CDC42BPA: variants seen among roughly 807,000 people sequenced by gnomAD.
CDC42BPA encodes the protein CDC42 binding protein kinase alpha.
CDC42BPA carries 80 observed loss-of-function variants against 223.5 expected under a neutral mutation model. The observed-to-expected ratio is 0.36, with a 90% CI of 0.30 to 0.43. The LOEUF (loss-of-function observed/expected upper bound fraction) is 0.43. Among genes scored for constraint, CDC42BPA ranks in the 20% least tolerant of loss-of-function variants. CDC42BPA has a pLI of 1.00. For missense variants in CDC42BPA, 1,743 were observed against 2,099.9 expected (o/e 0.83, Z 3.32); for synonymous variants, 694 against 718.6 (o/e 0.97, Z 0.55).
rs190637579 is a variant in CDC42BPA at position 227,057,910 on chromosome 1, A to G, written c.2905-5925T>C. 4.6e-3 allele frequency among the ~76,000 whole-genome samples: 707 copies of G among 152,340 alleles called. 5 individuals carry two copies. Among genetic ancestry groups the G allele is most frequent in the African/African-American group, 0.016 (678 of 41,586 alleles). ...GCAAGTGAGACATAATTAATCCATA[A>G]TAAAATGAGAGAAACAAATCCTAAA... On this transcript the variant is annotated intron_variant, in intron 21 of 36. Transcript: ENST00000366766.
At chr1:227,257,209 A>C (rs1683228643) in intron 1 of CDC42BPA, among the ~76,000 whole-genome samples, 1 of 152,162 alleles carries the variant, frequency 6.6e-6, no homozygotes, top group South Asian at 2.1e-4. Context: ...TTATGGCTTA[A>C]TGGTTACAGA....
chr1:227,200,313 C>T (rs1671499845), intron 3 of CDC42BPA, among the ~76,000 whole-genome samples: 1 of 151,940 alleles, frequency 6.6e-6, no homozygotes, highest in South Asian at 2.1e-4. Flanking sequence ...CACCTGTAAT[C>T]CCAGCCACTC....
At chr1:227,132,740 G>A (rs982187040) in intron 10 of CDC42BPA, among the ~76,000 whole-genome samples, 20 of 150,644 alleles carry the variant, frequency 1.3e-4, no homozygotes, top group Admixed American at 6.6e-4. Flanking sequence ...GTCTCTGCCC[G>A]CCCGCCCATC....
chr1:227,144,186 T>C (rs958679350), intron 8 of CDC42BPA, among the ~76,000 whole-genome samples: 1 of 152,144 alleles, frequency 6.6e-6, no homozygotes, highest in Non-Finnish European at 1.5e-5. Flanking sequence ...AATAAAGATT[T>C]TGTTAAGTCA....
At chr1:227,034,605 A>G in intron 26 of CDC42BPA, 50 bp downstream of exon 26, 3 of 1,517,558 alleles carry the variant, frequency 2.0e-6, no homozygotes. Flanking sequence ...CAGAAACTTT[A>G]AAATTCCTAT....
chr1:227,108,706 T>C (rs1686361565), intron 14 of CDC42BPA, among the ~76,000 whole-genome samples: 1 of 152,180 alleles, frequency 6.6e-6, no homozygotes, highest in South Asian at 2.1e-4. Flanking sequence ...AGTGTTTGCA[T>C]ACAACCTACA....
chr1:227,317,965 G>C lies in CDC42BPA; in HGVS notation c.-783C>G. The C allele has an allele frequency of 2.5e-6, 1 of 396,718 alleles. No homozygotes were observed. Among genetic ancestry groups the C allele is most frequent in the Non-Finnish European group, 4.4e-6 (1 of 224,950 alleles). 24.6% of individuals were successfully genotyped at this position (396,718 alleles called of 1,614,324 possible). A position where few individuals can be genotyped will look rare whatever the true frequency, so the allele number is the denominator to read the frequency against. On this transcript the variant is annotated 5_prime_UTR_variant, in exon 1 of 37. Transcript: ENST00000366766. ...TAGGGCCTGACCGGCGGCGCGGCCG[G>C]GGGTGGAAGGCGGGCTGCGGGCGGC... is the stretch of plus-strand genomic sequence containing the variant.
chr1:227,140,191 C>A (rs1312303294), intron 9 of CDC42BPA, among the ~76,000 whole-genome samples: 3 of 152,118 alleles, frequency 2.0e-5, no homozygotes, highest in Non-Finnish European at 4.4e-5. Context: ...AATGCTGAAA[C>A]TGCTGGACAT....
intron 14 of CDC42BPA, among the ~76,000 whole-genome samples, chr1:227,104,126 G>C (rs981746108): frequency 6.6e-6 from 1 of 152,004 alleles, no homozygotes; most frequent in African/African-American, 2.4e-5. Flanking sequence ...GAGAATTTAT[G>C]AACAGAAAAT....
intron 1 of CDC42BPA, among the ~76,000 whole-genome samples, chr1:227,270,620 G>A (rs1009287981): frequency 2.0e-5 from 3 of 152,118 alleles, no homozygotes; most frequent in African/African-American, 7.2e-5. Context: ...CTATTGTTAA[G>A]TGTACATCAG....
At chr1:227,167,368 T>A (rs1193084626) in intron 5 of CDC42BPA, among the ~76,000 whole-genome samples, 2 of 152,208 alleles carry the variant, frequency 1.3e-5, no homozygotes, top group Admixed American at 6.5e-5. Flanking sequence ...CTCTTTAAGA[T>A]GACAAATGAC....
intron 11 of CDC42BPA, among the ~76,000 whole-genome samples, chr1:227,125,205 A>AG (rs1689341276): frequency 6.6e-6 from 1 of 151,124 alleles, no homozygotes; most frequent in African/African-American, 2.4e-5. Flanking sequence ...ACATCACAGA[A>AG]AAAAAAAAAC....
rs555002814 is a variant in CDC42BPA, at chr1:227,289,302, C to T, written c.178+27703G>A. Among the ~76,000 whole-genome samples, 72 of 152,326 alleles carry T rather than the reference C, an allele frequency of 4.7e-4. 1 individual carries two copies. In the South Asian group the frequency reaches 0.015, roughly 31 times the overall value. On this transcript the variant is annotated intron_variant, in intron 1 of 36. Transcript: ENST00000366766. ...CTCCCCTTCACTCACTCTAATCCAG[C>T]CACACTGGTCTTCCTTCTGTTCCTT...
chr1:227,111,425 G>A (rs1227886535), intron 14 of CDC42BPA, among the ~76,000 whole-genome samples: 1 of 152,166 alleles, frequency 6.6e-6, no homozygotes, highest in Non-Finnish European at 1.5e-5. Context: ...ACAAATGTAT[G>A]TATGTACTCG....
chr1:226,994,459 G>T lies in CDC42BPA; in HGVS notation c.5134-60C>A. ...AGGGGGAGAAAGGGAGGCAGAAGGG[G>T]CTCAGATTACCACCGCCCCCTCCAG... is the stretch of plus-strand genomic sequence containing the variant. On this transcript the variant is annotated intron_variant, in intron 36 of 36. Transcript: ENST00000366766. The surrounding 1 kb of genome is among the most constrained non-coding windows in gnomAD (Gnocchi z 4.0). 1 of 1,452,730 alleles carries T rather than the reference G, an allele frequency of 6.9e-7. No homozygotes were observed. The highest frequency in any genetic ancestry group is 9.1e-7 in the Non-Finnish European group (1 of 1,097,674). The allele number at this position is 1,452,730 out of a possible 1,614,324, so 90.0% of individuals were successfully genotyped here. A position where few individuals can be genotyped will look rare whatever the true frequency, so the allele number is the denominator to read the frequency against.
chr1:227,008,540 T>C (rs555799130), intron 34 of CDC42BPA, among the ~76,000 whole-genome samples: 2 of 152,150 alleles, frequency 1.3e-5, no homozygotes, highest in Non-Finnish European at 2.9e-5. Flanking sequence ...CCAGTTGCCA[T>C]GCAATTGTGA....
chr1:227,070,758 C>T (rs755363539), intron 20 of CDC42BPA, among the ~76,000 whole-genome samples: 3 of 151,776 alleles, frequency 2.0e-5, no homozygotes, highest in Non-Finnish European at 4.4e-5. Flanking sequence ...TAGTAGTATA[C>T]ATTATGTTAT....
At chr1:227,033,489 A>G in intron 26 of CDC42BPA, 74 bp from the exon 27 acceptor site, 1 of 913,454 alleles carries the variant, frequency 1.1e-6, no homozygotes. Flanking sequence ...GTATCCAAAT[A>G]ACACATACCC....
At chr1:227,018,284 A>G (rs2148517757) in intron 32 of CDC42BPA, among the ~76,000 whole-genome samples, 1 of 152,288 alleles carries the variant, frequency 6.6e-6, no homozygotes, top group Non-Finnish European at 1.5e-5. Flanking sequence ...ATGAGGGTAA[A>G]GCAGGTCTTG....
Sources: gnomAD v4.1 joint callset for allele counts (sites outside exome capture counted in the v4.1 genomes callset) on GRCh38, gnomAD v4.1.1 for gene constraint, Gnocchi (gnomAD v3.1) non-coding constraint, MANE v1.5 for transcripts, NCBI Gene and HGNC (gene_info 2026-07-23, HGNC 2026-07-21) for gene names.